Variants in MICU2 observed in about 807,000 individuals in gnomAD.
MICU2 encodes mitochondrial calcium uptake 2, also known as calcium uptake protein 2, mitochondrial.
MICU2 carries 64 observed loss-of-function variants against 60.4 expected under a neutral mutation model. The observed-to-expected ratio is 1.06, with a 90% CI of 0.87 to 1.31. The LOEUF (loss-of-function observed/expected upper bound fraction) is 1.31. Ranked by LOEUF, MICU2 falls within the 50% of genes most tolerant of loss-of-function variation. The probability of loss-of-function intolerance (pLI) is 0.00; values close to 1 mark genes in which losing one functional copy is unlikely to be tolerated. For synonymous variants in MICU2, 201 were observed against 175.0 expected (o/e 1.15, Z -1.17); for missense variants, 569 against 531.0 (o/e 1.07, Z -0.70).
intron 9 of MICU2, among the ~76,000 whole-genome samples, chr13:21,497,483 C>T (rs536634619): frequency 1.6e-4 from 24 of 152,148 alleles, no homozygotes; most frequent in African/African-American, 4.6e-4. Flanking sequence ...CTGAGGTGGC[C>T]GGACTGCCTG....
intron 1 of MICU2, among the ~76,000 whole-genome samples, chr13:21,572,132 G>T (rs1436744476): frequency 6.6e-6 from 1 of 152,184 alleles, no homozygotes. Flanking sequence ...ACTAATGGTA[G>T]AAGGGAGATC....
At chr13:21,573,279 T>A (rs1415541842) in intron 1 of MICU2, among the ~76,000 whole-genome samples, 1 of 53,260 alleles carries the variant, frequency 1.9e-5, no homozygotes. Context: ...TACATTTTTT[T>A]GTTTTTTTTT....
intron 1 of MICU2, among the ~76,000 whole-genome samples, chr13:21,602,523 A>AAAAAAAC (rs1555278074): frequency 3.3e-5 from 5 of 152,140 alleles, no homozygotes; most frequent in Admixed American, 1.3e-4. Context: ...CTCCTCTCAA[A>AAAAAAAC]AAAAACAAAA....
At chr13:21,504,724 T>G (rs1351275715) in intron 8 of MICU2, among the ~76,000 whole-genome samples, 4 of 152,176 alleles carry the variant, frequency 2.6e-5, no homozygotes, top group African/African-American at 9.7e-5. Context: ...TTATTGGAAT[T>G]GTTTAGGCAG....
At chr13:21,504,762 T>G (rs1327036509) in intron 8 of MICU2, among the ~76,000 whole-genome samples, 2 of 152,156 alleles carry the variant, frequency 1.3e-5, no homozygotes, top group Non-Finnish European at 2.9e-5. Context: ...GCGTACAGGC[T>G]GTGAGTCTAT....
At chr13:21,544,753 A>G (rs965186872) in intron 2 of MICU2, among the ~76,000 whole-genome samples, 1 of 152,158 alleles carries the variant, frequency 6.6e-6, no homozygotes, top group African/African-American at 2.4e-5. Flanking sequence ...CCTGGGCTCA[A>G]GTAATCCTCT....
intron 1 of MICU2, among the ~76,000 whole-genome samples, chr13:21,578,403 A>G (rs1377553747): frequency 6.6e-6 from 1 of 152,232 alleles, no homozygotes; most frequent in Non-Finnish European, 1.5e-5. Flanking sequence ...TCTAGGGAAC[A>G]CAGGGAGACC....
chr13:21,597,587 GACAAGAGGCCATTCTAGT>G (rs1353802133), intron 1 of MICU2, among the ~76,000 whole-genome samples: 1 of 152,084 alleles, frequency 6.6e-6, no homozygotes, highest in Admixed American at 6.6e-5. Context: ...AGATGAAAAA[GACAAGAGGCCATTCTAGT>G]AAGGGGAGAC....
chr13:21,563,806 C>A (rs529702987), intron 2 of MICU2, among the ~76,000 whole-genome samples: 1 of 135,746 alleles, frequency 7.4e-6, no homozygotes, highest in Non-Finnish European at 1.6e-5. Flanking sequence ...ATGGGCCCAA[C>A]AAACACATTT....
In MICU2 at chr13:21,563,230, C is replaced by T. The variant is rs12428659; in HGVS notation, c.358+3567G>A. On this transcript the variant is annotated intron_variant, in intron 2 of 11. Coordinates refer to ENST00000382374, the MANE Select transcript of MICU2 (RefSeq NM_152726.3). ...CAGCACTTTGGGAGGCCAAGGTGGG[C>T]GGATCATGAGGTCACGAGATCGAGA... Among the ~76,000 whole-genome samples the T allele has an allele frequency of 6.7e-3, 1,025 of 151,908 alleles. 27 individuals are homozygous for T. The highest frequency in any genetic ancestry group is 0.052 in the East Asian group (269 of 5,170).
chr13:21,503,631 G>C (rs919185197), intron 8 of MICU2, among the ~76,000 whole-genome samples: 2 of 152,076 alleles, frequency 1.3e-5, no homozygotes, highest in African/African-American at 4.8e-5. Context: ...AATACATGTC[G>C]ATATGACTCA....
chr13:21,540,760 A>T, intron 2 of MICU2, among the ~76,000 whole-genome samples: 1 of 152,148 alleles, frequency 6.6e-6, no homozygotes, highest in East Asian at 1.9e-4. Flanking sequence ...AAAGACAAAG[A>T]GCCCCAGATT....
intron 5 of MICU2, 145 bp from the exon 6 acceptor site, chr13:21,521,472 T>C (rs1886716230): frequency 1.6e-6 from 1 of 611,262 alleles, no homozygotes; most frequent in Non-Finnish European, 2.8e-6. Context: ...TTATAACAAT[T>C]CCAAAGGCTG....
chr13:21,568,890 C>A (rs147604849), intron 1 of MICU2, among the ~76,000 whole-genome samples: 22 of 151,586 alleles, frequency 1.5e-4, no homozygotes, highest in Admixed American at 5.3e-4. Context: ...ACTCCTCTAT[C>A]TTATGGTTAC....
intron 9 of MICU2, among the ~76,000 whole-genome samples, chr13:21,501,268 CTT>C (rs1298258740): frequency 4.1e-5 from 6 of 145,326 alleles, no homozygotes; most frequent in Non-Finnish European, 6.1e-5. Flanking sequence ...CATATAAAGT[CTT>C]TTTTTTTTTT....
At chr13:21,508,709 C>T (rs1206937651) in intron 8 of MICU2, among the ~76,000 whole-genome samples, 1 of 152,188 alleles carries the variant, frequency 6.6e-6, no homozygotes, top group Non-Finnish European at 1.5e-5. Flanking sequence ...CATACACTTT[C>T]ATGCCTCTAC....
chr13:21,499,528 T>G (rs181579442), intron 9 of MICU2, among the ~76,000 whole-genome samples: 1 of 151,448 alleles, frequency 6.6e-6, no homozygotes, highest in Non-Finnish European at 1.5e-5. Context: ...CTCCTGCCTC[T>G]GCCTCCCGAG....
intron 2 of MICU2, among the ~76,000 whole-genome samples, chr13:21,542,493 TA>T (rs1474588451): frequency 6.6e-6 from 1 of 152,128 alleles, no homozygotes; most frequent in African/African-American, 2.4e-5. Flanking sequence ...TTCACACAAA[TA>T]AAAAATTCAG....
At chr13:21,600,628 G>C (rs566820008) in intron 1 of MICU2, among the ~76,000 whole-genome samples, 1 of 152,244 alleles carries the variant, frequency 6.6e-6, no homozygotes, top group African/African-American at 2.4e-5. Context: ...TTTATCTACT[G>C]TTTCATGACA....
Sources: gnomAD v4.1 joint callset for allele counts (sites outside exome capture counted in the v4.1 genomes callset) on GRCh38, gnomAD v4.1.1 for gene constraint, MANE v1.5 for transcripts, NCBI Gene and HGNC (gene_info 2026-07-23, HGNC 2026-07-21) for gene names.